Variants in LRRC40 observed in about 807,000 individuals in gnomAD.
The protein encoded by LRRC40 is leucine rich repeat containing 40.
LRRC40 carries 76 observed loss-of-function variants against 72.8 expected under a neutral mutation model. The observed-to-expected ratio is 1.04, with a 90% confidence interval of 0.87 to 1.26. LRRC40 has a LOEUF of 1.26. Ranked by LOEUF, LRRC40 falls within the 50% of genes most tolerant of loss-of-function variation. The probability of loss-of-function intolerance (pLI) is 0.00; values close to 1 mark genes in which losing one functional copy is unlikely to be tolerated. For synonymous variants in LRRC40, 243 were observed against 254.2 expected, an observed-to-expected ratio of 0.96 and a Z score of 0.42; for missense variants, 684 against 698.9, an observed-to-expected ratio of 0.98 and a Z score of 0.24.
chr1:70,161,286 G>A (rs1247540933), intron 9 of LRRC40, among the ~76,000 whole-genome samples: 2 of 151,636 alleles, frequency 1.3e-5, no homozygotes, highest in Admixed American at 6.6e-5. Context: ...GGGTTTCACC[G>A]TGTTAGCCAG....
At chr1:70,205,297 A>C (rs891127941) in intron 1 of LRRC40, 93 bp downstream of exon 1, 86 of 1,242,494 alleles carry the variant, frequency 6.9e-5, no homozygotes, top group Non-Finnish European at 9.1e-5. Context: ...AGTCTGAGAA[A>C]GGGGGCCAAA....
chr1:70,165,128 C>A (rs1412858559), intron 9 of LRRC40, among the ~76,000 whole-genome samples: 1 of 152,088 alleles, frequency 6.6e-6, no homozygotes, highest in Non-Finnish European at 1.5e-5. Context: ...TAATAATGAT[C>A]ATCTGTGGAG....
chr1:70,183,311 G>A (rs1394388984), intron 4 of LRRC40, among the ~76,000 whole-genome samples: 4 of 151,988 alleles, frequency 2.6e-5, no homozygotes, highest in African/African-American at 9.7e-5. Flanking sequence ...ACTATGTGGA[G>A]TAGATATTAT....
intron 9 of LRRC40, among the ~76,000 whole-genome samples, chr1:70,162,487 A>C (rs1240264870): frequency 1.3e-5 from 2 of 152,176 alleles, no homozygotes; most frequent in Non-Finnish European, 2.9e-5. Context: ...GGAGCCCAGC[A>C]ATCTGGTTCA....
chr1:70,199,242 C>CACACAG (rs1234176170), intron 1 of LRRC40, among the ~76,000 whole-genome samples: 3 of 151,668 alleles, frequency 2.0e-5, no homozygotes, highest in African/African-American at 7.3e-5. Flanking sequence ...CACACACACA[C>CACACAG]ACACACACAC....
Position 70,179,026 on chromosome 1 carries a change from G to C in LRRC40, c.662-33C>G, listed in dbSNP as rs192329906. The C allele has an allele frequency of 4.5e-5, 62 of 1,377,292 alleles. No individual in the cohort carries two copies. In the Admixed American group the frequency reaches 1.2e-3, roughly 26 times the overall value. 85.3% of individuals were successfully genotyped at this position (1,377,292 alleles called of 1,614,324 possible). On this transcript the variant is annotated intron_variant, in intron 5 of 14. Transcript: ENST00000370952. Reference sequence around the variant, plus strand: ...ATATATTCAGTAAAAAACAAAAATAGAGAAAAAAAAATTAGTTTCTGATCG... The same window carrying C: ...ATATATTCAGTAAAAAACAAAAATACAGAAAAAAAAATTAGTTTCTGATCG...
At chr1:70,145,991 A>G in intron 14 of LRRC40, 86 bp from the exon 15 acceptor site, 1 of 638,848 alleles carries the variant, frequency 1.6e-6, no homozygotes. Context: ...TTATAAATAA[A>G]ATTTCTGTAT....
chr1:70,185,789 T>C (rs935602323), intron 3 of LRRC40, among the ~76,000 whole-genome samples: 3 of 152,214 alleles, frequency 2.0e-5, no homozygotes, highest in African/African-American at 7.2e-5. Context: ...AGTTAAGCCC[T>C]TCTGTAGAGA....
intron 1 of LRRC40, among the ~76,000 whole-genome samples, chr1:70,199,212 GTC>G (rs1296578377): frequency 1.2e-5 from 1 of 84,484 alleles, no homozygotes; most frequent in South Asian, 4.0e-4. Flanking sequence ...ATTATACATA[GTC>G]TCACACACAC....
intron 1 of LRRC40, among the ~76,000 whole-genome samples, chr1:70,196,525 G>A (rs1187875223): frequency 1.3e-5 from 2 of 151,964 alleles, no homozygotes; most frequent in Non-Finnish European, 2.9e-5. Flanking sequence ...ATGCTAGCCT[G>A]GGCAACAGAG....
intron 6 of LRRC40, among the ~76,000 whole-genome samples, chr1:70,178,627 C>A (rs1668162814): frequency 6.6e-6 from 1 of 151,978 alleles, no homozygotes; most frequent in South Asian, 2.1e-4. Context: ...ATGAAATGGA[C>A]AAATCTCTAT....
chr1:70,199,159 T>G (rs1668678569), intron 1 of LRRC40, among the ~76,000 whole-genome samples: 1 of 149,996 alleles, frequency 6.7e-6, no homozygotes, highest in South Asian at 2.1e-4. Flanking sequence ...TCTCAATCAA[T>G]AAATAAACTA....
At position 70,173,442 on chromosome 1, in the gene LRRC40, TATAAG is replaced by T. The variant is rs781739278; in HGVS notation, c.1111+18_1111+22del. ...ACCACTTTTTATGAATCCTTCAAAA[TATAAG>T]AGAACATTTTAAAGTACCTTTGATC... On this transcript the variant is annotated intron_variant, in intron 9 of 14. Transcript: ENST00000370952. 44 of 1,540,370 alleles carry T rather than the reference TATAAG, an allele frequency of 2.9e-5. No homozygotes were observed. Among genetic ancestry groups the T allele is most frequent in the Non-Finnish European group, 3.5e-5 (39 of 1,115,560 alleles).
At chr1:70,169,277 C>CT (rs1667952260) in intron 9 of LRRC40, among the ~76,000 whole-genome samples, 1 of 152,240 alleles carries the variant, frequency 6.6e-6, no homozygotes, top group Non-Finnish European at 1.5e-5. Flanking sequence ...AGCCCCTTCT[C>CT]TGCTGTGCTA....
chr1:70,189,290 C>T lies in LRRC40; in HGVS notation c.152-17G>A. ...ACTGCGGCACTAGTTCCATCAGCACCACACCAGGAAAAAAAAAAAAAAAAA... is the reference window on the plus strand; with the variant it reads ...ACTGCGGCACTAGTTCCATCAGCACTACACCAGGAAAAAAAAAAAAAAAAA... On this transcript the variant is annotated splice_polypyrimidine_tract_variant and intron_variant, in intron 1 of 14. Coordinates refer to ENST00000370952, the MANE Select transcript of LRRC40 (RefSeq NM_017768.5). 1 of 1,316,286 alleles carries T rather than the reference C, an allele frequency of 7.6e-7. No individual in the cohort carries two copies. The highest frequency in any genetic ancestry group is 1.0e-6 in the Non-Finnish European group (1 of 996,708). The allele number at this position is 1,316,286 out of a possible 1,614,324, so 81.5% of individuals were successfully genotyped here.
chr1:70,179,987 G>A (rs1668205936), intron 5 of LRRC40, among the ~76,000 whole-genome samples: 1 of 151,808 alleles, frequency 6.6e-6, no homozygotes, highest in African/African-American at 2.4e-5. Context: ...ATTGAATGCA[G>A]GCAATCATTT....
chr1:70,199,349 C>G (rs1222066450), intron 1 of LRRC40, among the ~76,000 whole-genome samples: 4 of 152,078 alleles, frequency 2.6e-5, no homozygotes, highest in African/African-American at 9.7e-5. Flanking sequence ...AATCTTTCTA[C>G]AGCAGACCTG....
At chr1:70,174,950 A>G (rs1668071455) in intron 7 of LRRC40, among the ~76,000 whole-genome samples, 1 of 152,162 alleles carries the variant, frequency 6.6e-6, no homozygotes, top group Non-Finnish European at 1.5e-5. Context: ...TGAATATGAT[A>G]TAAAAAGCAT....
intron 1 of LRRC40, among the ~76,000 whole-genome samples, chr1:70,198,802 A>G (rs1668670258): frequency 6.6e-6 from 1 of 152,156 alleles, no homozygotes; most frequent in Non-Finnish European, 1.5e-5. Context: ...GACAAGGAAA[A>G]TGTACAAATA....
Sources: gnomAD v4.1 joint callset for allele counts (sites outside exome capture counted in the v4.1 genomes callset) on GRCh38, gnomAD v4.1.1 for gene constraint, MANE v1.5 for transcripts, NCBI Gene and HGNC (gene_info 2026-07-23, HGNC 2026-07-21) for gene names.